The following RIMS2 variants were observed in gnomAD, a reference collection of about 807,000 sequenced individuals.
RIMS2 encodes regulating synaptic membrane exocytosis 2.
In RIMS2, 59 loss-of-function variants were observed where a neutral mutation model predicts 174.4. The observed-to-expected ratio is 0.34, with a 90% CI of 0.27 to 0.42. The LOEUF (loss-of-function observed/expected upper bound fraction) is 0.42, where lower values mean the gene tolerates loss of function less well. RIMS2 is among the 10% of genes least tolerant of loss of function. The pLI is 1.00. For synonymous variants in RIMS2, 606 were observed against 572.5 expected (o/e 1.06, Z -0.84); for missense variants, 1,620 against 1,666.3 (o/e 0.97, Z 0.48).
intron 1 of RIMS2, among the ~76,000 whole-genome samples, chr8:103,627,223 A>G (rs1329262840): frequency 1.3e-5 from 2 of 152,152 alleles, no homozygotes; most frequent in South Asian, 2.1e-4. Context: ...CTACTTGCAC[A>G]TCCGTTTATA....
chr8:104,180,360 G>GT (rs2098932840), intron 19 of RIMS2, among the ~76,000 whole-genome samples: 2 of 147,572 alleles, frequency 1.4e-5, no homozygotes, highest in Non-Finnish European at 1.5e-5. Context: ...TTCTTAGTGA[G>GT]GTTTTTTTTT....
chr8:103,523,866 A>G, intron 1 of RIMS2, among the ~76,000 whole-genome samples: 1 of 152,120 alleles, frequency 6.6e-6, no homozygotes, highest in South Asian at 2.1e-4. Flanking sequence ...CTTATGGGAT[A>G]GTGCTGCTAC....
intron 19 of RIMS2, among the ~76,000 whole-genome samples, chr8:104,133,046 G>A (rs994404390): frequency 1.3e-5 from 2 of 152,142 alleles, no homozygotes; most frequent in African/African-American, 4.8e-5. Context: ...TTATACTACT[G>A]GTAAAGTTGG....
chr8:103,869,514 A>T (rs2099100334), intron 3 of RIMS2, among the ~76,000 whole-genome samples: 1 of 151,798 alleles, frequency 6.6e-6, no homozygotes. Context: ...GTAGAAACGG[A>T]GTTTCACCAT....
intron 3 of RIMS2, among the ~76,000 whole-genome samples, chr8:103,876,593 C>CTT (rs2099138301): frequency 1.3e-5 from 2 of 150,892 alleles, no homozygotes; most frequent in African/African-American, 4.9e-5. Flanking sequence ...TTATCCCTCA[C>CTT]CCCCTTCCCA....
At chr8:103,725,350 T>C (rs2097514588) in intron 2 of RIMS2, among the ~76,000 whole-genome samples, 1 of 152,166 alleles carries the variant, frequency 6.6e-6, no homozygotes, top group East Asian at 1.9e-4. Flanking sequence ...ATTATTTCCA[T>C]CATCCTAGGA....
intron 19 of RIMS2, among the ~76,000 whole-genome samples, chr8:104,036,545 G>A (rs972302552): frequency 6.6e-6 from 1 of 151,894 alleles, no homozygotes; most frequent in Non-Finnish European, 1.5e-5. Flanking sequence ...ATAAAGTCAG[G>A]GAAAAACAGC....
At chr8:103,607,901 T>C (rs1165427346) in intron 1 of RIMS2, among the ~76,000 whole-genome samples, 2 of 136,134 alleles carry the variant, frequency 1.5e-5, no homozygotes, top group Non-Finnish European at 3.2e-5. Flanking sequence ...TATACATTCT[T>C]CTAAATTTTT....
intron 1 of RIMS2, among the ~76,000 whole-genome samples, chr8:103,668,434 A>G (rs150693829): frequency 5.3e-4 from 80 of 152,314 alleles, no homozygotes; most frequent in Admixed American, 1.0e-3. Context: ...ACCAGAATAT[A>G]TGCATTGAAA....
At chr8:103,820,676 A>T (rs60674853) in intron 3 of RIMS2, among the ~76,000 whole-genome samples, 1 of 151,872 alleles carries the variant, frequency 6.6e-6, no homozygotes, top group African/African-American at 2.4e-5. Context: ...CTTTACTTTG[A>T]AAATGGGATA....
At chr8:103,742,888 G>A (rs1468099327) in intron 2 of RIMS2, among the ~76,000 whole-genome samples, 5 of 151,958 alleles carry the variant, frequency 3.3e-5, no homozygotes, top group Non-Finnish European at 4.4e-5. Flanking sequence ...ACATATACTC[G>A]TACCTTTCTT....
chr8:103,534,117 T>C (rs1441190281), intron 1 of RIMS2, among the ~76,000 whole-genome samples: 3 of 152,246 alleles, frequency 2.0e-5, no homozygotes, highest in African/African-American at 7.2e-5. Context: ...TAAATTTCTG[T>C]GTTCAACTTA....
chr8:103,554,630 T>C (rs1380664972), intron 1 of RIMS2, among the ~76,000 whole-genome samples: 6 of 152,186 alleles, frequency 3.9e-5, no homozygotes, highest in Non-Finnish European at 7.4e-5. Flanking sequence ...GTTTGGTGAT[T>C]TCTCAAATAA....
intron 19 of RIMS2, among the ~76,000 whole-genome samples, chr8:104,076,894 G>A (rs2097303895): frequency 6.6e-6 from 1 of 150,666 alleles, no homozygotes; most frequent in Non-Finnish European, 1.5e-5. Flanking sequence ...TCAGGTCACT[G>A]CAACCTCTGC....
At chr8:104,139,725 C>A (rs182489765) in intron 19 of RIMS2, among the ~76,000 whole-genome samples, 184 of 152,242 alleles carry the variant, frequency 1.2e-3, no homozygotes, top group African/African-American at 4.2e-3. Flanking sequence ...AATTTGACTT[C>A]TTTCTTTCCA....
At chr8:103,807,661 C>T (rs2098658967) in intron 3 of RIMS2, among the ~76,000 whole-genome samples, 1 of 151,964 alleles carries the variant, frequency 6.6e-6, no homozygotes, top group African/African-American at 2.4e-5. Flanking sequence ...TCATTGGAAC[C>T]AAGGGAGTTC....
At chr8:104,061,020 G>A (rs1387384813) in intron 19 of RIMS2, among the ~76,000 whole-genome samples, 1 of 152,170 alleles carries the variant, frequency 6.6e-6, no homozygotes, top group Non-Finnish European at 1.5e-5. Context: ...TAGGTGCAGT[G>A]TGGTGCTGAA....
intron 1 of RIMS2, among the ~76,000 whole-genome samples, chr8:103,656,212 G>T (rs2096529697): frequency 6.6e-6 from 1 of 152,130 alleles, no homozygotes; most frequent in Admixed American, 6.6e-5. Flanking sequence ...ATTGGGTCGT[G>T]ATGTTATTAA....
chr8:103,578,703 G>C (rs747208389), intron 1 of RIMS2, among the ~76,000 whole-genome samples: 1 of 151,990 alleles, frequency 6.6e-6, no homozygotes, highest in Non-Finnish European at 1.5e-5. Context: ...GCTGTTTTAA[G>C]AATACCATGG....
Sources: allele counts gnomAD v4.1 joint callset (sites outside exome capture counted in the v4.1 genomes callset), GRCh38; gene constraint gnomAD v4.1.1; transcripts MANE v1.5; gene names NCBI Gene and HGNC (gene_info 2026-07-23, HGNC 2026-07-21).